Variants in RYR3 observed in about 807,000 individuals in gnomAD.
RYR3 encodes the protein brain ryanodine receptor-calcium release channel.
A neutral mutation model predicts 584.3 loss-of-function variants in RYR3; 207 were observed. The ratio of observed to expected loss-of-function variants is 0.35; its 90% confidence interval spans 0.32 to 0.40. RYR3 has a LOEUF of 0.40. RYR3 is among the 10% of genes least tolerant of loss of function. The pLI is 1.00. For synonymous variants in RYR3, 2,416 were observed against 2,248.5 expected, an observed-to-expected ratio of 1.07 and a Z score of -2.11; for missense variants, 5,616 against 6,089.2, an observed-to-expected ratio of 0.92 and a Z score of 2.59.
rs560244724 is a variant in RYR3 at position 33,656,310 on chromosome 15, C to T, written c.4309-3410C>T. Among the ~76,000 whole-genome samples the T allele has an allele frequency of 1.5e-4, 23 of 152,306 alleles. No individual in the cohort carries two copies. The East Asian group carries it at 2.5e-3, about 17-fold the overall frequency. ...GGCAGTGCTAAATCTGGGCTGGTTG[C>T]GCAATCCATGGGCATGTAAGTTCCT... On this transcript the variant is annotated intron_variant, in intron 32 of 103. Transcript: ENST00000634891.
At chr15:33,525,449 T>A (rs1193448124) in intron 3 of RYR3, among the ~76,000 whole-genome samples, 1 of 152,248 alleles carries the variant, frequency 6.6e-6, no homozygotes, top group Admixed American at 6.5e-5. Context: ...AATATCGCAC[T>A]AGAATTGTAA....
chr15:33,414,969 C>T (rs537974621), intron 1 of RYR3, among the ~76,000 whole-genome samples: 1 of 152,286 alleles, frequency 6.6e-6, no homozygotes, highest in South Asian at 2.1e-4. Flanking sequence ...TATATATAGG[C>T]ACCCCCTCAA....
At chr15:33,738,309 C>T in intron 49 of RYR3, 141 bp from the exon 50 acceptor site, 1 of 807,736 alleles carries the variant, frequency 1.2e-6, no homozygotes, top group Non-Finnish European at 1.9e-6. Context: ...TTTGAAGGGC[C>T]TCTTTGTAGA....
At chr15:33,711,789 C>G (rs1212285342) in intron 43 of RYR3, among the ~76,000 whole-genome samples, 1 of 152,200 alleles carries the variant, frequency 6.6e-6, no homozygotes, top group African/African-American at 2.4e-5. Context: ...TAACTGGTCT[C>G]CAAGAAGTTC....
chr15:33,484,124 C>T (rs1028400460), intron 2 of RYR3, among the ~76,000 whole-genome samples: 2 of 151,768 alleles, frequency 1.3e-5, no homozygotes, highest in Non-Finnish European at 2.9e-5. Context: ...GAACCAGAAC[C>T]TCATCAATGA....
chr15:33,526,808 A>G (rs944586543), intron 3 of RYR3, among the ~76,000 whole-genome samples: 4 of 152,248 alleles, frequency 2.6e-5, no homozygotes, highest in South Asian at 2.1e-4. Context: ...GGGAGAGAGA[A>G]TAAATTCATA....
chr15:33,762,081 A>G (rs1054611821), intron 60 of RYR3, among the ~76,000 whole-genome samples: 11 of 152,174 alleles, frequency 7.2e-5, no homozygotes, highest in Non-Finnish European at 1.3e-4. Context: ...AAAACACTCA[A>G]TAAACTAGGT....
In RYR3 at chr15:33,834,285, A is replaced by AACACACACACACAC. The variant is rs61059288; in HGVS notation, c.11464-657_11464-644dup. 4.7e-3 allele frequency among the ~76,000 whole-genome samples: 647 copies of AACACACACACACAC among 136,938 alleles called. 3 individuals carry two copies. Among genetic ancestry groups the AACACACACACACAC allele is most frequent in the Middle Eastern group, 0.021 (6 of 286 alleles). 89.8% of individuals were successfully genotyped at this position (136,938 alleles called of 152,430 possible). ...GGTGACAGAGCAAAAATCTGTCTTA[A>AACACACACACACAC]ACACACACACACACACACACACACA... On this transcript the variant is annotated intron_variant, in intron 86 of 103. Coordinates refer to ENST00000634891, the MANE Select transcript of RYR3 (RefSeq NM_001036.6).
chr15:33,581,836 A>C (rs2058610040), intron 14 of RYR3, among the ~76,000 whole-genome samples, 193 bp downstream of exon 14: 1 of 152,196 alleles, frequency 6.6e-6, no homozygotes, highest in South Asian at 2.1e-4. Flanking sequence ...GTGGAAGCAG[A>C]TGATAATCAG....
intron 16 of RYR3, among the ~76,000 whole-genome samples, chr15:33,591,452 T>C (rs1199665551): frequency 6.6e-6 from 1 of 152,150 alleles, no homozygotes; most frequent in East Asian, 1.9e-4. Context: ...TTGTTGAAGG[T>C]TTAATAAATG....
At chr15:33,332,363 T>C (rs889973544) in intron 1 of RYR3, among the ~76,000 whole-genome samples, 1 of 152,104 alleles carries the variant, frequency 6.6e-6, no homozygotes, top group Non-Finnish European at 1.5e-5. Flanking sequence ...GAAGAAATTG[T>C]TAAATCCACT....
chr15:33,456,032 G>A (rs1001600315), intron 1 of RYR3, among the ~76,000 whole-genome samples: 1 of 152,178 alleles, frequency 6.6e-6, no homozygotes, highest in Non-Finnish European at 1.5e-5. Flanking sequence ...AGATAGTTCT[G>A]TATTCTGTGT....
chr15:33,469,278 T>C (rs191390092), intron 1 of RYR3, among the ~76,000 whole-genome samples: 4 of 152,190 alleles, frequency 2.6e-5, no homozygotes, highest in East Asian at 3.9e-4. Flanking sequence ...GGCATGGAAA[T>C]AGGGAAACCC....
chr15:33,670,320 T>G, intron 37 of RYR3, 99 bp from the exon 38 acceptor site: 1 of 1,254,570 alleles, frequency 8.0e-7, no homozygotes, highest in Non-Finnish European at 1.1e-6. Context: ...CTTTAGAAAG[T>G]TCCAGAAGGA....
rs547760159 is a variant in RYR3 at position 33,733,745 on chromosome 15, C to T, written c.7424+2051C>T. On this transcript the variant is annotated intron_variant, in intron 48 of 103. Coordinates refer to ENST00000634891, the MANE Select transcript of RYR3 (RefSeq NM_001036.6). ...GTAAATTATGAAATTTGGGTGATAACGATGTTTCAATATAAGTTTATCAGT... is the reference window on the plus strand; with the variant it reads ...GTAAATTATGAAATTTGGGTGATAATGATGTTTCAATATAAGTTTATCAGT... 3.9e-5 allele frequency among the ~76,000 whole-genome samples: 6 copies of T among 152,120 alleles called. 1 individual carries two copies. The South Asian group carries it at 8.3e-4, about 21-fold the overall frequency.
rs146067618 is a variant in RYR3 at position 33,515,565 on chromosome 15, T to C, written c.279+11827T>C. Among the ~76,000 whole-genome samples the C allele has an allele frequency of 9.2e-5, 14 of 152,364 alleles. No homozygotes were observed. The East Asian group carries it at 2.7e-3, about 29-fold the overall frequency. On this transcript the variant is annotated intron_variant, in intron 3 of 103. Coordinates refer to ENST00000634891, the MANE Select transcript of RYR3 (RefSeq NM_001036.6). ...CAAATCCCTTCTGAACTTCTTACTATGTCTTTCCCCAAGTGGAGCTACCTA... is the reference window on the plus strand; with the variant it reads ...CAAATCCCTTCTGAACTTCTTACTACGTCTTTCCCCAAGTGGAGCTACCTA...
chr15:33,809,612 CTTTTTT>C (rs34554811), intron 70 of RYR3, among the ~76,000 whole-genome samples: 1 of 132,300 alleles, frequency 7.6e-6, no homozygotes. Context: ...TCCTCTCTCT[CTTTTTT>C]TTTTTTTTTT....
intron 40 of RYR3, 116 bp from the exon 41 acceptor site, chr15:33,699,588 G>C (rs1406296605): frequency 1.1e-6 from 1 of 884,506 alleles, no homozygotes; most frequent in Non-Finnish European, 1.7e-6. Flanking sequence ...AATGGAAGGA[G>C]AAAGTTCATT....
intron 1 of RYR3, among the ~76,000 whole-genome samples, chr15:33,336,462 GAGAGAGAGAGAGAGAGAGA>G (rs1971030755): frequency 8.6e-5 from 3 of 34,792 alleles, no homozygotes; most frequent in Non-Finnish European, 1.5e-4. Context: ...GAGAGAGAGA[GAGAGAGAGAGAGAGAGAGA>G]GAGAGAAAGA....
Sources: allele counts gnomAD v4.1 joint callset (sites outside exome capture counted in the v4.1 genomes callset), GRCh38; gene constraint gnomAD v4.1.1; transcripts MANE v1.5; gene names NCBI Gene and HGNC (gene_info 2026-07-23, HGNC 2026-07-21).